Variants in ATRX observed in about 807,000 individuals in gnomAD.
ATRX encodes the protein ATRX chromatin remodeler.
Under a neutral mutation model 172.6 loss-of-function variants are expected in ATRX, and 12 were observed. That is an observed-to-expected ratio of 0.07 (90% CI 0.04 to 0.11). ATRX has a LOEUF of 0.11. Among genes scored for constraint, ATRX ranks in the 10% least tolerant of loss-of-function variants. The pLI is 1.00. For missense variants in ATRX, 1,368 were observed against 1,767.4 expected (o/e 0.77, Z 4.05); for synonymous variants, 674 against 594.7 (o/e 1.13, Z -1.94).
At chrX:77,608,133 G>C (rs1292163808) in intron 22 of ATRX, among the ~76,000 whole-genome samples, 1 of 109,886 alleles carries the variant, frequency 9.1e-6, no homozygotes, top group African/African-American at 3.3e-5. Flanking sequence ...TGTAATCCCA[G>C]CACTTTGGGA....
chrX:77,728,896 G>C (rs2074174254), intron 1 of ATRX, among the ~76,000 whole-genome samples: 1 of 106,392 alleles, frequency 9.4e-6, no homozygotes, highest in Non-Finnish European at 1.9e-5. Context: ...TGAGTACCTG[G>C]GACTACAGGC....
chrX:77,523,414 G>T lies in ATRX; in HGVS notation c.6700-13C>A, dbSNP rs2147763438. The T allele has an allele frequency of 8.3e-7, 1 of 1,201,873 alleles. No individual in the cohort carries two copies. Among genetic ancestry groups the T allele is most frequent in the Admixed American group, 2.2e-5 (1 of 45,860 alleles). ...CAAGTATGGTATCCTGTTTAGAGGG[G>T]TTGAAATAAGAGACAATTATTTTTC... On this transcript the variant is annotated splice_polypyrimidine_tract_variant and intron_variant, in intron 30 of 34. Transcript: ENST00000373344.
At position 77,643,542 on chromosome X, in the gene ATRX, G is replaced by A. The variant is rs182605976; in HGVS notation, c.4558-7486C>T. 3.6e-5 allele frequency among the ~76,000 whole-genome samples: 4 copies of A among 110,847 alleles called. No individual in the cohort carries two copies. The East Asian group carries it at 8.5e-4, about 24-fold the overall frequency. On this transcript the variant is annotated intron_variant, in intron 15 of 34. Coordinates refer to ENST00000373344, the MANE Select transcript of ATRX (RefSeq NM_000489.6). ...CTCAACCGATCTAGCCACCTCAACC[G>A]CCCAAGTAGCTGGGACTATAGGTGT...
At chrX:77,693,580 T>A (rs960787143) in intron 6 of ATRX, among the ~76,000 whole-genome samples, 2 of 111,917 alleles carry the variant, frequency 1.8e-5, no homozygotes, top group Non-Finnish European at 3.8e-5. Context: ...ATAGAACATG[T>A]GGAAGAAGGA....
At chrX:77,633,805 TA>T (rs1378413671) in intron 17 of ATRX, 93 bp from the exon 18 acceptor site, 4 of 966,722 alleles carry the variant, frequency 4.1e-6, no homozygotes, top group Non-Finnish European at 5.7e-6. Context: ...TTGTTTTGCT[TA>T]AACAATAAAC....
In ATRX at chrX:77,683,034, A is replaced by T. The variant is rs782231566; in HGVS notation, c.2222T>A (p.Val741Glu). 8.3e-7 allele frequency: 1 copy of T among 1,210,258 alleles called. No homozygotes were observed. The highest frequency in any genetic ancestry group is 1.8e-5 in the South Asian group (1 of 56,965). The part of the protein sequence containing the change: ...SDEMLAILKE[V>E]SRMSHSSSSD... ...AGAAGAACTGTGACTCATCCTGCTC[A>T]CCTCTTTGAGGATTGCTAGCATTTC... The change falls in exon 9 of 35, where the codon GTG becomes GAG. Residue 741 changes from valine (V) to glutamate (E), a missense_variant. Around this residue, in one of 17 missense-constraint regions of ATRX, gnomAD observed 843 missense variants for 643.1 expected, o/e 1.31. Coordinates refer to ENST00000373344, the MANE Select transcript of ATRX (RefSeq NM_000489.6).
intron 27 of ATRX, among the ~76,000 whole-genome samples, chrX:77,578,477 A>C (rs1315007115): frequency 8.9e-6 from 1 of 112,273 alleles, no homozygotes; most frequent in Non-Finnish European, 1.9e-5. Flanking sequence ...GCTCAGTCAC[A>C]GTAGGACAGG....
At chrX:77,719,855 T>A (rs183490441) in intron 1 of ATRX, among the ~76,000 whole-genome samples, 1 of 111,731 alleles carries the variant, frequency 9.0e-6, no homozygotes, top group Admixed American at 9.6e-5. Flanking sequence ...TACAGAACTC[T>A]TGACCCCAAA....
In ATRX at chrX:77,523,312, T is replaced by C. The variant is rs782601706; in HGVS notation, c.6789A>G (p.Glu2263=). 2.5e-6 allele frequency: 3 copies of C among 1,211,270 alleles called. No individual in the cohort carries two copies. The South Asian group carries it at 5.3e-5, about 21-fold the overall frequency. ...TTCTTTCTTCTTCAGTCAACTCTTC[T>C]TCTTCTTTGTGGTCCAAAAGAGAAT... ...EHDSLLDHKE[E]EELTEEERKA... is the part of the protein sequence containing the mutation. The change falls in exon 31 of 35, where the codon GAA becomes GAG. Residue 2263 remains glutamate, a synonymous_variant. Transcript: ENST00000373344.
chrX:77,601,074 C>A lies in ATRX; in HGVS notation c.5567-510G>T, dbSNP rs536979670. Among the ~76,000 whole-genome samples, 29 of 111,081 alleles carry A rather than the reference C, an allele frequency of 2.6e-4. No individual in the cohort carries two copies. In the South Asian group the frequency reaches 0.011, roughly 41 times the overall value. On this transcript the variant is annotated intron_variant, in intron 22 of 34. Transcript: ENST00000373344. Reference sequence around the variant, plus strand: ...CCAGGTACATATAATCCCCTAAATTCTATCCATGGACCCTAGATTACAAAC... The same window carrying A: ...CCAGGTACATATAATCCCCTAAATTATATCCATGGACCCTAGATTACAAAC...
At chrX:77,535,926 T>C (rs2147825032) in intron 30 of ATRX, among the ~76,000 whole-genome samples, 1 of 107,248 alleles carries the variant, frequency 9.3e-6, no homozygotes, top group South Asian at 4.2e-4. Flanking sequence ...TTTTTGTAGA[T>C]ACAGGGTTTT....
rs781925125 is a variant in ATRX, at chrX:77,698,668, G to A, written c.134-39C>T. 42 of 1,076,832 alleles carry A rather than the reference G, an allele frequency of 3.9e-5. 1 individual carries two copies. In the South Asian group the frequency reaches 5.4e-4, roughly 14 times the overall value. 88.7% of individuals were successfully genotyped at this position (1,076,832 alleles called of 1,213,427 possible). A position where few individuals can be genotyped will look rare whatever the true frequency, so the allele number is the denominator to read the frequency against. ...AATAAAGAACATTATTTATCTCTTC[G>A]ATGCATTATCAAACAGAACATCAAT... On this transcript the variant is annotated intron_variant, in intron 2 of 34. Coordinates refer to ENST00000373344, the MANE Select transcript of ATRX (RefSeq NM_000489.6).
chrX:77,720,153 C>G (rs1413599557), intron 1 of ATRX, among the ~76,000 whole-genome samples: 1 of 111,747 alleles, frequency 8.9e-6, no homozygotes, highest in Non-Finnish European at 1.9e-5. Flanking sequence ...GACAACATAC[C>G]AGAATTTCTG....
intron 30 of ATRX, among the ~76,000 whole-genome samples, chrX:77,542,175 GACAA>G (rs1231215038): frequency 9.0e-6 from 1 of 111,404 alleles, no homozygotes; most frequent in African/African-American, 3.3e-5. Flanking sequence ...ACCAATAACA[GACAA>G]ACATAGAGCC....
At chrX:77,719,670 C>G (rs1380706096) in intron 1 of ATRX, among the ~76,000 whole-genome samples, 2 of 111,196 alleles carry the variant, frequency 1.8e-5, no homozygotes, top group African/African-American at 6.5e-5. Flanking sequence ...ACGGGAGCAC[C>G]CAGAACATAA....
intron 1 of ATRX, among the ~76,000 whole-genome samples, chrX:77,753,002 CCTT>C (rs1322393339): frequency 6.3e-5 from 7 of 111,481 alleles, no homozygotes; most frequent in Non-Finnish European, 9.4e-5. Flanking sequence ...AGGAAGGAAT[CCTT>C]CTTTTTCTAT....
chrX:77,687,152 CAAAAAAAAA>C (rs146268162), intron 7 of ATRX, among the ~76,000 whole-genome samples: 1 of 39,378 alleles, frequency 2.5e-5, no homozygotes, highest in Non-Finnish European at 4.2e-5. Flanking sequence ...GACTCCGTCT[CAAAAAAAAA>C]AAAAAAAAAA....
chrX:77,567,669 A>C (rs2065248306), intron 28 of ATRX, among the ~76,000 whole-genome samples: 1 of 110,716 alleles, frequency 9.0e-6, no homozygotes, highest in Non-Finnish European at 1.9e-5. Context: ...GCCAAAAAAA[A>C]AAAATCAGCA....
At chrX:77,600,668 T>C in intron 22 of ATRX, 104 bp from the exon 23 acceptor site, 2 of 893,231 alleles carry the variant, frequency 2.2e-6, no homozygotes, top group Admixed American at 2.6e-5. Context: ...CTTTTGGCAG[T>C]GTAGAGAAGC....
Sources: allele counts gnomAD v4.1 joint callset (sites outside exome capture counted in the v4.1 genomes callset), GRCh38; gene constraint gnomAD v4.1.1; regional missense constraint gnomAD v4.1.1; transcripts MANE v1.5; gene names NCBI Gene and HGNC (gene_info 2026-07-23, HGNC 2026-07-21).